The following ADAMTSL1 variants were observed in gnomAD, a reference collection of about 807,000 sequenced individuals.
The protein encoded by ADAMTSL1 is ADAMTS like 1.
A neutral mutation model predicts 201.8 loss-of-function variants in ADAMTSL1; 126 were observed. The ratio of observed to expected loss-of-function variants is 0.62; its 90% CI spans 0.54 to 0.72. The LOEUF (loss-of-function observed/expected upper bound fraction) is 0.72. ADAMTSL1 is among the 30% of genes least tolerant of loss of function. The pLI, the probability that ADAMTSL1 is intolerant of heterozygous loss-of-function variation, is 0.00. For synonymous variants in ADAMTSL1, 1,121 were observed against 903.4 expected (o/e 1.24, Z -4.32); for missense variants, 2,679 against 2,277.8 (o/e 1.18, Z -3.59).
chr9:18,830,447 G>C (rs1186850842), intron 23 of ADAMTSL1, among the ~76,000 whole-genome samples: 1 of 152,188 alleles, frequency 6.6e-6, no homozygotes, highest in African/African-American at 2.4e-5. Flanking sequence ...ATTTAGACCA[G>C]CTTTCTGTAG....
At chr9:18,273,234 C>A (rs1036355041) in intron 2 of ADAMTSL1, among the ~76,000 whole-genome samples, 6 of 152,160 alleles carry the variant, frequency 3.9e-5, no homozygotes, top group Non-Finnish European at 7.3e-5. Context: ...CAGGCACCAC[C>A]ATGCCTGGTA....
chr9:18,576,547 T>A (rs574315067), intron 4 of ADAMTSL1, among the ~76,000 whole-genome samples: 5 of 152,340 alleles, frequency 3.3e-5, no homozygotes, highest in African/African-American at 9.6e-5. Flanking sequence ...TTAAATAGAA[T>A]CACAGAGTCC....
In ADAMTSL1 at chr9:18,877,603, T is replaced by C. The variant is rs114196140; in HGVS notation, c.4250-10228T>C. 3.4e-3 allele frequency among the ~76,000 whole-genome samples: 524 copies of C among 152,304 alleles called. 2 individuals are homozygous for C. The highest frequency in any genetic ancestry group is 0.011 in the African/African-American group (477 of 41,564). On this transcript the variant is annotated intron_variant, in intron 23 of 28. Coordinates refer to ENST00000380548, the MANE Select transcript of ADAMTSL1 (RefSeq NM_001040272.6). Reference sequence around the variant, plus strand: ...GATTTGTCTTCAGGTCTCTCAGCCATGAATACCAGTACCTGCTCTGGTGGC... The same window carrying C: ...GATTTGTCTTCAGGTCTCTCAGCCACGAATACCAGTACCTGCTCTGGTGGC...
At chr9:18,076,756 T>C (rs1481472144) in intron 1 of ADAMTSL1, among the ~76,000 whole-genome samples, 2 of 152,082 alleles carry the variant, frequency 1.3e-5, no homozygotes, top group Admixed American at 6.5e-5. Context: ...GAGGGACTTA[T>C]ATGTGGAGAG....
chr9:18,741,417 C>G (rs1364043227), intron 15 of ADAMTSL1, among the ~76,000 whole-genome samples: 1 of 152,118 alleles, frequency 6.6e-6, no homozygotes, highest in African/African-American at 2.4e-5. Flanking sequence ...CTAATAGAAT[C>G]AAAACTGTGG....
chr9:18,579,450 C>T (rs1033059089), intron 4 of ADAMTSL1, among the ~76,000 whole-genome samples: 2 of 150,632 alleles, frequency 1.3e-5, no homozygotes, highest in African/African-American at 4.9e-5. Context: ...ACATATGTAA[C>T]TAACCTGCAC....
Position 18,836,276 on chromosome 9 carries a change from G to A in ADAMTSL1, c.4249+6299G>A, listed in dbSNP as rs114083859. On this transcript the variant is annotated intron_variant, in intron 23 of 28. Coordinates refer to ENST00000380548, the MANE Select transcript of ADAMTSL1 (RefSeq NM_001040272.6). ...CTGTCTTTTGCCAATTTTTAATGGG[G>A]TTAGTTGTTTTTTGCTTGCTCAGTT... 3.8e-3 allele frequency among the ~76,000 whole-genome samples: 575 copies of A among 152,072 alleles called. 5 individuals carry two copies. The highest frequency in any genetic ancestry group is 0.013 in the African/African-American group (523 of 41,494).
chr9:17,978,035 C>G (rs1422319831), intron 1 of ADAMTSL1, among the ~76,000 whole-genome samples: 1 of 151,924 alleles, frequency 6.6e-6, no homozygotes, highest in Non-Finnish European at 1.5e-5. Flanking sequence ...TAATTGACCC[C>G]TTTAAAAAAA....
chr9:17,928,209 G>T (rs555672645), intron 1 of ADAMTSL1, among the ~76,000 whole-genome samples: 87 of 152,132 alleles, frequency 5.7e-4, no homozygotes, highest in African/African-American at 2.1e-3. Context: ...ATGTTGCTCA[G>T]GCTGGTCTCA....
chr9:18,581,769 C>T (rs139023824), intron 4 of ADAMTSL1, among the ~76,000 whole-genome samples: 413 of 152,184 alleles, frequency 2.7e-3, no homozygotes, highest in Middle Eastern at 0.01. Flanking sequence ...TGTCTGATAC[C>T]GAGCAGGAAA....
intron 23 of ADAMTSL1, among the ~76,000 whole-genome samples, chr9:18,849,529 G>C (rs1345510427): frequency 5.9e-5 from 9 of 152,128 alleles, no homozygotes; most frequent in Admixed American, 5.9e-4. Context: ...TCAAAGGTTA[G>C]GTAAAAATTA....
At chr9:18,775,117 T>A (rs1285059563) in intron 17 of ADAMTSL1, among the ~76,000 whole-genome samples, 1 of 152,196 alleles carries the variant, frequency 6.6e-6, no homozygotes, top group African/African-American at 2.4e-5. Context: ...TGGTTTTGAC[T>A]TATATTTCCC....
Position 18,770,833 on chromosome 9 carries a change from G to A in ADAMTSL1, c.2397+52G>A, listed in dbSNP as rs368488604. 22 of 1,569,308 alleles carry A rather than the reference G, an allele frequency of 1.4e-5. No individual in the cohort carries two copies. In the African/African-American group the frequency reaches 1.9e-4, roughly 14 times the overall value. On this transcript the variant is annotated intron_variant, in intron 17 of 28. Transcript: ENST00000380548. The stretch of plus-strand genomic sequence containing the variant: ...AAAGAGATCCAAGTAGGAAAAGAAG[G>A]CACCCCAGACATATACATAGAAAAG...
chr9:18,633,903 T>A (rs1412674), intron 5 of ADAMTSL1, among the ~76,000 whole-genome samples: 59,894 of 151,704 alleles, frequency 0.39, 12,459 homozygotes, highest in East Asian at 0.73. Flanking sequence ...GTTGAAACAC[T>A]ATTTAAAAAA....
chr9:18,744,826 T>G (rs1195645788), intron 15 of ADAMTSL1, among the ~76,000 whole-genome samples: 2 of 152,262 alleles, frequency 1.3e-5, no homozygotes, highest in African/African-American at 4.8e-5. Flanking sequence ...CTTCTATCTT[T>G]CATATAGTTG....
intron 1 of ADAMTSL1, among the ~76,000 whole-genome samples, chr9:17,933,979 C>T (rs1040798111): frequency 6.6e-6 from 1 of 152,132 alleles, no homozygotes; most frequent in African/African-American, 2.4e-5. Flanking sequence ...GTTTTAATAT[C>T]CTCTTCTTGT....
intron 1 of ADAMTSL1, among the ~76,000 whole-genome samples, chr9:18,114,165 T>C (rs1234473165): frequency 6.6e-6 from 1 of 152,162 alleles, no homozygotes; most frequent in Non-Finnish European, 1.5e-5. Context: ...AGGCTGAAGA[T>C]ACTCATTGGA....
chr9:17,906,646 C>G (rs1825724515), exon 1 of ADAMTSL1: 2 of 152,480 alleles, frequency 1.3e-5, no homozygotes. Context: ...CAAAGCAGAC[C>G]CGCTCCGCGG....
intron 2 of ADAMTSL1, among the ~76,000 whole-genome samples, chr9:18,192,804 A>C (rs2132237741): frequency 6.6e-6 from 1 of 152,258 alleles, no homozygotes; most frequent in South Asian, 2.1e-4. Context: ...AGACTGGCCA[A>C]CTTAGAGTAT....
Sources: allele counts gnomAD v4.1 joint callset (sites outside exome capture counted in the v4.1 genomes callset), GRCh38; gene constraint gnomAD v4.1.1; transcripts MANE v1.5; gene names NCBI Gene and HGNC (gene_info 2026-07-23, HGNC 2026-07-21).